The following STYXL2 variants were observed in gnomAD, a reference collection of about 807,000 sequenced individuals.
STYXL2 encodes serine/threonine/tyrosine interacting like 2.
A neutral mutation model predicts 52.4 loss-of-function variants in STYXL2; 44 were observed. The observed-to-expected ratio is 0.84, with a 90% CI of 0.66 to 1.08. The LOEUF (loss-of-function observed/expected upper bound fraction) is 1.08. Among genes scored for constraint, STYXL2 ranks in the 50% least tolerant of loss-of-function variants. The probability of loss-of-function intolerance (pLI) is 0.00; values close to 1 mark genes in which losing one functional copy is unlikely to be tolerated. For synonymous variants in STYXL2, 604 were observed against 586.9 expected (o/e 1.03, Z -0.42); for missense variants, 1,604 against 1,471.7 (o/e 1.09, Z -1.47).
chr1:167,126,756 C>A lies in STYXL2; in HGVS notation c.1625C>A (p.Thr542Asn), dbSNP rs747566732. 1.5e-5 allele frequency: 24 copies of A among 1,614,082 alleles called. No homozygotes were observed. Among genetic ancestry groups the A allele is most frequent in the Non-Finnish European group, 1.9e-5 (22 of 1,180,046 alleles). Residue 542 changes from threonine (T) to asparagine (N), a missense_variant, in exon 6 of 6, where the codon ACT (threonine) becomes AAT (asparagine). Coordinates refer to ENST00000361200, the MANE Select transcript of STYXL2 (RefSeq NM_001080426.3). Reference protein sequence around the residue: ...NFCSRNKDKLTALERWKIKRI... With the variant: ...NFCSRNKDKLNALERWKIKRI... The stretch of plus-strand genomic sequence containing the variant: ...TGCAGCAGGAACAAGGACAAGCTCA[C>A]TGCCCTGGAAAGATGGAAGATCAAG...
intron 2 of STYXL2, among the ~76,000 whole-genome samples, chr1:167,109,222 A>G (rs1381209338): frequency 1.3e-5 from 2 of 152,174 alleles, no homozygotes; most frequent in Non-Finnish European, 2.9e-5. Flanking sequence ...AGAAGCCACC[A>G]CAGTGGGGTA....
In STYXL2 at chr1:167,127,555, C is replaced by T. The variant is rs1668002470; in HGVS notation, c.2424C>T (p.Pro808=). ...CCTGCAACACCACACTGAGCTCACC[C>T]GCGGAAAGTTGCAGAAGCAAAGTGA... ...VLSCNTTLSS[P]AESCRSKVRG... The change falls in exon 6 of 6, where the codon CCC becomes CCT. Residue 808 remains proline, a synonymous_variant. Transcript: ENST00000361200. The T allele has an allele frequency of 3.1e-6, 5 of 1,614,018 alleles. No homozygotes were observed. The highest frequency in any genetic ancestry group is 2.2e-5 in the East Asian group (1 of 44,868).
intron 2 of STYXL2, among the ~76,000 whole-genome samples, chr1:167,108,141 C>T (rs942558393): frequency 2.0e-5 from 3 of 152,180 alleles, no homozygotes; most frequent in Admixed American, 6.5e-5. Flanking sequence ...ATGTGGACAC[C>T]TGGCCCAGCC....
intron 5 of STYXL2, among the ~76,000 whole-genome samples, chr1:167,124,054 A>T (rs1255390201): frequency 6.6e-6 from 1 of 152,122 alleles, no homozygotes; most frequent in Non-Finnish European, 1.5e-5. Flanking sequence ...AGTAGCTGAG[A>T]CTACAGGCGC....
intron 2 of STYXL2, among the ~76,000 whole-genome samples, chr1:167,098,841 A>G (rs1248775004): frequency 1.3e-5 from 2 of 152,190 alleles, no homozygotes; most frequent in Non-Finnish European, 2.9e-5. Flanking sequence ...AAATTCCAAG[A>G]GTTGCATCCA....
Position 167,117,527 on chromosome 1 carries a change from T to C in STYXL2, c.405T>C (p.Asp135=), listed in dbSNP as rs746335429. The change falls in exon 4 of 6, where the codon GAT becomes GAC. Residue 135 remains aspartate (D), a synonymous_variant. Transcript: ENST00000361200. ...AAGAGGCGCCCTGGAATGAGGTGGA[T>C]GAGGTCTGGCCCAATGTCTTCATAG... ...DRQEAPWNEV[D]EVWPNVFIAE... 4.4e-6 allele frequency: 7 copies of C among 1,607,608 alleles called. No homozygotes were observed. Among genetic ancestry groups the C allele is most frequent in the Non-Finnish European group, 5.1e-6 (6 of 1,176,996 alleles).
In STYXL2 at chr1:167,128,340, A is replaced by C; in HGVS notation, c.3209A>C (p.Asp1070Ala). 6.2e-7 allele frequency: 1 copy of C among 1,614,120 alleles called. No homozygotes were observed. Among genetic ancestry groups the C allele is most frequent in the Non-Finnish European group, 8.5e-7 (1 of 1,179,984 alleles). The change falls in exon 6 of 6, where the codon GAT becomes GCT. Residue 1070 changes from aspartate to alanine, a missense_variant. Asp to Ala is a moderately radical substitution (Grantham distance 126). Coordinates refer to ENST00000361200, the MANE Select transcript of STYXL2 (RefSeq NM_001080426.3). The part of the protein sequence containing the change: ...PNWARSRDWE[D>A]VEESSKSDFS... ...TGGGCCAGGTCCAGGGACTGGGAAG[A>C]TGTGGAAGAGTCATCCAAGTCAGAC...
chr1:167,099,435 A>G (rs1667358017), intron 2 of STYXL2, among the ~76,000 whole-genome samples: 1 of 152,244 alleles, frequency 6.6e-6, no homozygotes, highest in African/African-American at 2.4e-5. Context: ...GTCAAAATAG[A>G]TCATATACTG....
At chr1:167,096,709 G>A (rs1347003507) in intron 2 of STYXL2, among the ~76,000 whole-genome samples, 1 of 152,204 alleles carries the variant, frequency 6.6e-6, no homozygotes, top group East Asian at 1.9e-4. Flanking sequence ...AAAGAAGGAT[G>A]GGAAATAAGG....
chr1:167,104,506 C>T (rs1336032817), intron 2 of STYXL2, among the ~76,000 whole-genome samples: 1 of 152,100 alleles, frequency 6.6e-6, no homozygotes, highest in Non-Finnish European at 1.5e-5. Context: ...TGGTAGGAGA[C>T]AGGGGCATGA....
At chr1:167,099,671 T>G (rs1437200837) in intron 2 of STYXL2, among the ~76,000 whole-genome samples, 1 of 152,246 alleles carries the variant, frequency 6.6e-6, no homozygotes, top group Non-Finnish European at 1.5e-5. Context: ...TATTCATTGC[T>G]GGTGAGAGTG....
In STYXL2 at chr1:167,127,111, T is replaced by G. The variant is rs1269895419; in HGVS notation, c.1980T>G (p.Ser660=). The G allele has an allele frequency of 1.2e-5, 20 of 1,613,892 alleles. No homozygotes were observed. Among genetic ancestry groups the G allele is most frequent in the Non-Finnish European group, 1.7e-5 (20 of 1,179,940 alleles). Residue 660 remains serine (S), a synonymous_variant, in exon 6 of 6, where the codon TCT becomes TCG. Transcript: ENST00000361200. ...SSTASGSIPL[S]AFWSADPSVS... ...CGGCCAGCGGGAGCATTCCCCTGTCTGCGTTCTGGTCTGCAGACCCCTCAG... is the reference window on the plus strand; with the variant it reads ...CGGCCAGCGGGAGCATTCCCCTGTCGGCGTTCTGGTCTGCAGACCCCTCAG...
chr1:167,105,013 C>T (rs1667481227), intron 2 of STYXL2, among the ~76,000 whole-genome samples: 1 of 150,076 alleles, frequency 6.7e-6, no homozygotes, highest in Non-Finnish European at 1.5e-5. Flanking sequence ...GAGATATATA[C>T]ACATATACAT....
At chr1:167,104,240 G>T (rs1203765573) in intron 2 of STYXL2, among the ~76,000 whole-genome samples, 1 of 151,128 alleles carries the variant, frequency 6.6e-6, no homozygotes, top group Admixed American at 6.6e-5. Context: ...AAGGAGCAAA[G>T]GCATTTTTAT....
At chr1:167,104,173 C>G (rs555890524) in intron 2 of STYXL2, among the ~76,000 whole-genome samples, 1 of 152,000 alleles carries the variant, frequency 6.6e-6, no homozygotes, top group Non-Finnish European at 1.5e-5. Context: ...CCCGTCCCCC[C>G]ACCCCCCGTC....
chr1:167,114,547 G>C (rs1271747296), intron 3 of STYXL2, among the ~76,000 whole-genome samples: 1 of 151,990 alleles, frequency 6.6e-6, no homozygotes, highest in Non-Finnish European at 1.5e-5. Flanking sequence ...TCCTTTCCTT[G>C]GTCTTTCATT....
chr1:167,126,533 G>T lies in STYXL2; in HGVS notation c.1402G>T (p.Ala468Ser), dbSNP rs747760393. The T allele has an allele frequency of 3.1e-6, 5 of 1,613,310 alleles. No individual in the cohort carries two copies. The African/African-American group carries it at 6.7e-5, about 22-fold the overall frequency. The change falls in exon 6 of 6, where the codon GCA becomes TCA. Residue 468 changes from alanine (A) to serine (S), a missense_variant. Physicochemically the swap from Ala to Ser is moderately conservative, Grantham distance 99 (BLOSUM62 1). Transcript: ENST00000361200. ...NRPDHGRRRRADSMSSESTWD... is the reference protein window; with the variant it reads ...NRPDHGRRRRSDSMSSESTWD... Reference sequence around the variant, plus strand: ...CCCGGACCACGGCAGGAGGCGCCGCGCAGACTCGATGTCCTCGGAGAGCAC... The same window carrying T: ...CCCGGACCACGGCAGGAGGCGCCGCTCAGACTCGATGTCCTCGGAGAGCAC...
intron 5 of STYXL2, among the ~76,000 whole-genome samples, chr1:167,122,201 C>G (rs1242592059): frequency 1.3e-5 from 2 of 151,948 alleles, no homozygotes; most frequent in African/African-American, 4.8e-5. Context: ...ATCTCAAACT[C>G]CTTCACAAGC....
chr1:167,099,161 C>T (rs995156526), intron 2 of STYXL2, among the ~76,000 whole-genome samples: 3 of 151,808 alleles, frequency 2.0e-5, no homozygotes, highest in Non-Finnish European at 4.4e-5. Context: ...AACACAGCCT[C>T]AAAATATATA....
Sources: allele counts gnomAD v4.1 joint callset (sites outside exome capture counted in the v4.1 genomes callset), GRCh38; gene constraint gnomAD v4.1.1; transcripts MANE v1.5; gene names NCBI Gene and HGNC (gene_info 2026-07-23, HGNC 2026-07-21).